TXNRD2: variants seen among roughly 807,000 people sequenced by gnomAD.
The protein encoded by TXNRD2 is thioredoxin reductase 2, mitochondrial.
Under a neutral mutation model 70.8 loss-of-function variants are expected in TXNRD2, and 67 were observed. The ratio of observed to expected loss-of-function variants is 0.95; its 90% CI spans 0.78 to 1.16. The LOEUF (loss-of-function observed/expected upper bound fraction) is 1.16, where lower values mean the gene tolerates loss of function less well. Ranked by LOEUF, TXNRD2 falls within the 50% of genes most tolerant of loss-of-function variation. TXNRD2 has a pLI of 0.00. For missense variants in TXNRD2, 644 were observed against 719.9 expected (o/e 0.89, Z 1.21); for synonymous variants, 301 against 295.8 (o/e 1.02, Z -0.18).
At chr22:19,899,098 T>C in intron 8 of TXNRD2, 30 bp from the exon 9 acceptor site, 1 of 1,606,764 alleles carries the variant, frequency 6.2e-7, no homozygotes, top group Non-Finnish European at 8.5e-7. Flanking sequence ...AGAGCACATG[T>C]AAAGCTGAGG....
rs748892330 is a variant in TXNRD2 at position 19,898,164 on chromosome 22, C to T, written c.683-34G>A. 1.4e-5 allele frequency: 22 copies of T among 1,542,878 alleles called. No homozygotes were observed. In the African/African-American group the frequency reaches 2.7e-4, roughly 19 times the overall value. On this transcript the variant is annotated intron_variant, in intron 9 of 17. Coordinates refer to ENST00000400521, the MANE Select transcript of TXNRD2 (RefSeq NM_006440.5). ...TGCCAGCTAAGGAGCACTGTAGATC[C>T]CAATTTTGGAAATGATGGGACAACA... is the stretch of plus-strand genomic sequence containing the variant.
At chr22:19,909,874 T>TCACACACACAACCACACACACCCTCCTCA (rs1295818653) in intron 8 of TXNRD2, among the ~76,000 whole-genome samples, 1 of 40,586 alleles carries the variant, frequency 2.5e-5, no homozygotes, top group Non-Finnish European at 5.2e-5. Flanking sequence ...CACACACCAC[T>TCACACACACAACCACACACACCCTCCTCA]CACACACACC....
chr22:19,933,955 A>G (rs1428181137), intron 1 of TXNRD2, among the ~76,000 whole-genome samples: 1 of 152,160 alleles, frequency 6.6e-6, no homozygotes, highest in Non-Finnish European at 1.5e-5. Flanking sequence ...TCCTCTTTGA[A>G]CCCACTGCCT....
At chr22:19,893,478 C>A (rs1040326662) in intron 11 of TXNRD2, among the ~76,000 whole-genome samples, 18 of 152,222 alleles carry the variant, frequency 1.2e-4, no homozygotes, top group Non-Finnish European at 2.1e-4. Context: ...GCCCTCCTTG[C>A]GGCGGCCCAT....
chr22:19,921,308 G>A (rs543429803), intron 2 of TXNRD2, among the ~76,000 whole-genome samples: 31 of 151,870 alleles, frequency 2.0e-4, no homozygotes, highest in African/African-American at 2.4e-4. Flanking sequence ...CCAGCTGCTC[G>A]GGAGGCTAAG....
intron 6 of TXNRD2, among the ~76,000 whole-genome samples, chr22:19,915,494 A>C (rs1285542338): frequency 4.6e-5 from 7 of 152,022 alleles, no homozygotes; most frequent in African/African-American, 1.7e-4. Context: ...AGATGTTCTA[A>C]CTCCAAGCAC....
chr22:19,917,153 T>G (rs1940673755), intron 5 of TXNRD2, among the ~76,000 whole-genome samples: 1 of 152,154 alleles, frequency 6.6e-6, no homozygotes, highest in Non-Finnish European at 1.5e-5. Flanking sequence ...ACAGCCCAGG[T>G]GCGCCCCAGC....
chr22:19,877,858 G>A (rs1322819054), intron 16 of TXNRD2, among the ~76,000 whole-genome samples: 3 of 152,218 alleles, frequency 2.0e-5, no homozygotes, highest in Admixed American at 2.0e-4. Context: ...CGGGGCCACA[G>A]GGGACACCTC....
chr22:19,913,117 C>T (rs1161703139), intron 7 of TXNRD2, among the ~76,000 whole-genome samples: 1 of 152,184 alleles, frequency 6.6e-6, no homozygotes, highest in African/African-American at 2.4e-5. Flanking sequence ...CAGCTGCCCC[C>T]CAACCCCTCA....
chr22:19,916,185 G>GTCA (rs1940631133), intron 5 of TXNRD2: 2 of 344,688 alleles, frequency 5.8e-6, no homozygotes, highest in East Asian at 1.4e-4. Context: ...ACCCGGACAT[G>GTCA]TTCCAGCAGG....
chr22:19,933,348 C>G, intron 1 of TXNRD2: 1 of 895,704 alleles, frequency 1.1e-6, no homozygotes, highest in Non-Finnish European at 1.6e-6. Context: ...CACCAGGTCC[C>G]CCGGGGAGCA....
intron 11 of TXNRD2, chr22:19,883,732 T>C: frequency 2.3e-6 from 1 of 442,920 alleles, no homozygotes; most frequent in Non-Finnish European, 4.2e-6. Context: ...GGCAAGTGGA[T>C]CACCTGAGGT....
At chr22:19,898,235 G>GGGGTGT in intron 9 of TXNRD2, 105 bp from the exon 10 acceptor site, 2 of 1,084,612 alleles carry the variant, frequency 1.8e-6, no homozygotes, top group Non-Finnish European at 2.7e-6. Flanking sequence ...ATCCATGGCT[G>GGGGTGT]GCCCTGGAGG....
intron 8 of TXNRD2, among the ~76,000 whole-genome samples, chr22:19,906,919 G>A (rs35538338): frequency 2.2e-5 from 2 of 91,284 alleles, no homozygotes; most frequent in South Asian, 6.1e-4. Flanking sequence ...TAGCAGTGAC[G>A]GCTCTCAGGA....
intron 11 of TXNRD2, among the ~76,000 whole-genome samples, chr22:19,893,736 C>A (rs1441313863): frequency 1.3e-5 from 2 of 152,236 alleles, no homozygotes; most frequent in Admixed American, 1.3e-4. Context: ...CAGCCCACGC[C>A]TGGCCGGGAA....
Position 19,895,507 on chromosome 22 carries a change from C to T in TXNRD2, c.849G>A (p.Arg283=), listed in dbSNP as rs559964753. The part of the protein sequence containing the change: ...TRFLRGCAPS[R]VRRLPDGQLQ... ...GCTGGCCATCAGGGAGCCTCCTGAC[C>T]CGCGAGGGGGCACAGCCCCTCAGGA... Residue 283 remains arginine (R), a synonymous_variant, in exon 11 of 18, where the codon CGG becomes CGA. Coordinates refer to ENST00000400521, the MANE Select transcript of TXNRD2 (RefSeq NM_006440.5). 6.2e-7 allele frequency: 1 copy of T among 1,613,908 alleles called. No individual in the cohort carries two copies. The highest frequency in any genetic ancestry group is 1.3e-5 in the African/African-American group (1 of 75,056).
chr22:19,881,829 C>T (rs1215156827), intron 12 of TXNRD2, among the ~76,000 whole-genome samples: 1 of 152,212 alleles, frequency 6.6e-6, no homozygotes, highest in African/African-American at 2.4e-5. Flanking sequence ...GCTGAACCAT[C>T]CAGCTAAGCA....
chr22:19,935,299 C>T (rs1941502205), intron 1 of TXNRD2, among the ~76,000 whole-genome samples: 1 of 152,120 alleles, frequency 6.6e-6, no homozygotes. Context: ...CTGAAATACG[C>T]CCTGGTCTCC....
intron 8 of TXNRD2, 64 bp from the exon 9 acceptor site, chr22:19,899,132 G>A: frequency 6.2e-7 from 1 of 1,600,214 alleles, no homozygotes; most frequent in Non-Finnish European, 8.5e-7. Context: ...AGTGCAGTCA[G>A]AGCAGAACCC....
Sources: gnomAD v4.1 joint callset for allele counts (sites outside exome capture counted in the v4.1 genomes callset) on GRCh38, gnomAD v4.1.1 for gene constraint, MANE v1.5 for transcripts, NCBI Gene and HGNC (gene_info 2026-07-23, HGNC 2026-07-21) for gene names.